MECOM: variants seen among roughly 807,000 people sequenced by gnomAD.
MECOM encodes the protein MDS1 and EVI1 complex locus, also known as histone-lysine N-methyltransferase MECOM.
MECOM carries 13 observed loss-of-function variants against 116.3 expected under a neutral mutation model. The observed-to-expected ratio is 0.11, with a 90% confidence interval of 0.07 to 0.18. The LOEUF is 0.18. MECOM is among the 10% of genes least tolerant of loss of function. The pLI is 1.00. For synonymous variants in MECOM, 528 were observed against 535.2 expected (o/e 0.99, Z 0.19); for missense variants, 1,299 against 1,509.0 (o/e 0.86, Z 2.31).
At chr3:169,312,822 A>T (rs1230083202) in intron 2 of MECOM, among the ~76,000 whole-genome samples, 1 of 152,220 alleles carries the variant, frequency 6.6e-6, no homozygotes, top group Admixed American at 6.5e-5. Context: ...TGGGGATGTC[A>T]GCTGGTAGTT....
intron 2 of MECOM, among the ~76,000 whole-genome samples, chr3:169,259,782 A>T (rs1294849450): frequency 6.6e-6 from 1 of 152,224 alleles, no homozygotes; most frequent in African/African-American, 2.4e-5. Flanking sequence ...TCCAGAGCAT[A>T]TTGACTAAAA....
intron 1 of MECOM, among the ~76,000 whole-genome samples, chr3:169,548,482 T>C (rs1475135455): frequency 6.6e-6 from 1 of 152,240 alleles, no homozygotes; most frequent in Non-Finnish European, 1.5e-5. Context: ...GCATTTTCAG[T>C]TTCTTGGAAC....
intron 1 of MECOM, among the ~76,000 whole-genome samples, chr3:169,470,786 A>T (rs1307639880): frequency 6.6e-6 from 1 of 152,046 alleles, no homozygotes; most frequent in Admixed American, 6.5e-5. Context: ...AACCAAACAA[A>T]ACTAAAAATC....
intron 1 of MECOM, among the ~76,000 whole-genome samples, chr3:169,549,085 T>C (rs1447930169): frequency 1.3e-5 from 2 of 151,638 alleles, no homozygotes; most frequent in African/African-American, 4.8e-5. Context: ...GTGATTCTCC[T>C]GCCTCAGCCT....
chr3:169,224,452 T>C (rs1375165661), intron 2 of MECOM, among the ~76,000 whole-genome samples: 3 of 152,126 alleles, frequency 2.0e-5, no homozygotes, highest in Admixed American at 6.5e-5. Flanking sequence ...CATGGCTTCC[T>C]AGGGTTCTCA....
intron 2 of MECOM, among the ~76,000 whole-genome samples, chr3:169,227,387 G>A (rs1752865169): frequency 6.6e-6 from 1 of 152,090 alleles, no homozygotes; most frequent in African/African-American, 2.4e-5. Flanking sequence ...TCTCCTACCT[G>A]TTGTAATTTT....
At chr3:169,519,174 T>C (rs1362199086) in intron 1 of MECOM, among the ~76,000 whole-genome samples, 3 of 152,170 alleles carry the variant, frequency 2.0e-5, no homozygotes, top group African/African-American at 7.2e-5. Flanking sequence ...AGTAGAAAAA[T>C]ATTTGTCCAG....
At chr3:169,557,147 T>C (rs1426320635) in intron 1 of MECOM, among the ~76,000 whole-genome samples, 1 of 152,140 alleles carries the variant, frequency 6.6e-6, no homozygotes, top group Non-Finnish European at 1.5e-5. Context: ...ATACATTGGG[T>C]GCCCTCTGTG....
rs186263030 is a variant in MECOM, at chr3:169,381,418, A to T, written c.144T>A (p.Ser48=). 6 of 1,613,058 alleles carry T rather than the reference A, an allele frequency of 3.7e-6. No individual in the cohort carries two copies. The highest frequency in any genetic ancestry group is 5.1e-6 in the Non-Finnish European group (6 of 1,179,784). ...TGAATGCTTCACTGGATGTGGCAGG[A>T]GAGCATGGCTCTTGAATATTGAGGG... ...TPSLNIQEPC[S]PATSSEAFTP... is the part of the protein sequence containing the mutation. Residue 48 remains serine (S), a synonymous_variant, in exon 2 of 17, where the codon TCT becomes TCA. Coordinates refer to ENST00000651503, the MANE Select transcript of MECOM (RefSeq NM_004991.4).
chr3:169,263,955 C>A (rs1757952770), intron 2 of MECOM, among the ~76,000 whole-genome samples: 1 of 150,910 alleles, frequency 6.6e-6, no homozygotes, highest in African/African-American at 2.4e-5. Flanking sequence ...CCCACTATGG[C>A]CCAGAGCAGT....
At chr3:169,234,569 T>C (rs1753805151) in intron 2 of MECOM, among the ~76,000 whole-genome samples, 1 of 152,126 alleles carries the variant, frequency 6.6e-6, no homozygotes, top group Admixed American at 6.6e-5. Context: ...TTAAAAAAAA[T>C]CTGGTAAACT....
chr3:169,590,892 G>A (rs191814708), intron 1 of MECOM, among the ~76,000 whole-genome samples: 4 of 152,294 alleles, frequency 2.6e-5, no homozygotes, highest in Admixed American at 6.5e-5. Context: ...AATAGAAAGC[G>A]TCCCTACCAG....
chr3:169,462,200 A>C (rs1200178464), intron 1 of MECOM, among the ~76,000 whole-genome samples: 3 of 152,186 alleles, frequency 2.0e-5, no homozygotes, highest in Non-Finnish European at 1.5e-5. Context: ...TAGCCCCAGC[A>C]GACAGCAGGG....
Position 169,566,464 on chromosome 3 carries a change from C to A in MECOM, c.37+96872G>T, listed in dbSNP as rs528816731. ...AGGCTGGTTTTAAAATTACAATAAT[C>A]GGTAATAATATCAAAAGCTACAACC... On this transcript the variant is annotated intron_variant, in intron 1 of 16. Coordinates refer to ENST00000651503, the MANE Select transcript of MECOM (RefSeq NM_004991.4). Among the ~76,000 whole-genome samples, 3 of 152,166 alleles carry A rather than the reference C, an allele frequency of 2.0e-5. No individual in the cohort carries two copies. In the South Asian group the frequency reaches 6.2e-4, roughly 31 times the overall value.
In MECOM at chr3:169,146,903, C is replaced by A. The variant is rs1740103228; in HGVS notation, c.376-3071G>T. ...ATAATTTTTTAAAAGCCTCGCGTCTCGATTTCCAAATGGGTCTCTGACAAC... is the reference window on the plus strand; with the variant it reads ...ATAATTTTTTAAAAGCCTCGCGTCTAGATTTCCAAATGGGTCTCTGACAAC... On this transcript the variant is annotated intron_variant, in intron 2 of 16. Coordinates refer to ENST00000651503, the MANE Select transcript of MECOM (RefSeq NM_004991.4). The A allele has an allele frequency of 3.9e-6, 4 of 1,027,420 alleles. No homozygotes were observed. In the South Asian group the frequency reaches 1.5e-4, roughly 37 times the overall value. The allele number at this position is 1,027,420 out of a possible 1,614,324, so 63.6% of individuals were successfully genotyped here. A position where few individuals can be genotyped will look rare whatever the true frequency, so the allele number is the denominator to read the frequency against.
intron 2 of MECOM, among the ~76,000 whole-genome samples, chr3:169,242,644 T>C (rs1332776839): frequency 1.3e-5 from 2 of 151,996 alleles, no homozygotes; most frequent in African/African-American, 4.8e-5. Context: ...TCATACTGAT[T>C]GACGAAACCA....
chr3:169,107,795 A>C (rs565489968), intron 10 of MECOM, 131 bp downstream of exon 10: 5 of 652,148 alleles, frequency 7.7e-6, no homozygotes, highest in African/African-American at 7.4e-5. Context: ...CAGGGAAACT[A>C]TCTGCTGGAA....
chr3:169,328,893 T>A (rs914844627), intron 2 of MECOM, among the ~76,000 whole-genome samples: 1 of 152,176 alleles, frequency 6.6e-6, no homozygotes, highest in Admixed American at 6.5e-5. Context: ...CTAACCATGT[T>A]AATATAAAAC....
intron 2 of MECOM, among the ~76,000 whole-genome samples, chr3:169,290,247 G>A (rs556756739): frequency 6.6e-6 from 1 of 152,016 alleles, no homozygotes; most frequent in South Asian, 2.1e-4. Flanking sequence ...GATATTTTTG[G>A]GAAAAACACA....
Sources: gnomAD v4.1 joint callset for allele counts (sites outside exome capture counted in the v4.1 genomes callset) on GRCh38, gnomAD v4.1.1 for gene constraint, MANE v1.5 for transcripts, NCBI Gene and HGNC (gene_info 2026-07-23, HGNC 2026-07-21) for gene names.